Variants in OGG1 observed in about 807,000 individuals in gnomAD.
OGG1 encodes 8-oxoguanine DNA glycosylase, also known as N-glycosylase/DNA lyase.
A neutral mutation model predicts 42.3 loss-of-function variants in OGG1; 35 were observed. That is an observed-to-expected ratio of 0.83 (90% confidence interval 0.63 to 1.10). OGG1 has a LOEUF of 1.10. OGG1 is among the 50% of genes least tolerant of loss of function. The pLI is 0.00. For synonymous variants in OGG1, 189 were observed against 179.0 expected (o/e 1.06, Z -0.44); for missense variants, 484 against 446.7 (o/e 1.08, Z -0.75).
At chr3:9,761,497 A>G, downstream of OGG1, 1 of 1,613,492 alleles carries the variant, frequency 6.2e-7, no homozygotes. Flanking sequence ...CCAGCAATCC[A>G]CAGCCTTGCT....
rs938144629 is a variant in OGG1, at chr3:9,750,347, GC to G, written c.64del (p.Leu22CysfsTer38). On this transcript the variant is annotated frameshift_variant, in exon 1 of 7. Coordinates refer to ENST00000344629, the MANE Select transcript of OGG1 (RefSeq NM_002542.6). LOFTEE classifies it high-confidence loss of function. ...MGHRTLASTP[A>X]LWASIPCPRS... ...GCATCGTACTCTAGCCTCCACTCCT[GC>G]CCTGTGGGCCTCCATCCCGTGCCCT... 10 of 1,613,840 alleles carry G rather than the reference GC, an allele frequency of 6.2e-6. No homozygotes were observed. The African/African-American group carries it at 1.3e-4, about 22-fold the overall frequency.
downstream of OGG1, chr3:9,760,498 C>T: frequency 1.5e-6 from 1 of 649,300 alleles, no homozygotes; most frequent in Non-Finnish European, 2.7e-6. Context: ...AGTACCCAAG[C>T]AGAAGGAAGA....
At chr3:9,757,606 C>T (rs1231674345), downstream of OGG1, 4 of 1,614,060 alleles carry the variant, frequency 2.5e-6, no homozygotes, top group African/African-American at 1.3e-5. The surrounding 1 kb of genome is among the most constrained non-coding windows in gnomAD (Gnocchi z 4.5). Flanking sequence ...TCGACAGCAA[C>T]AGCCAGCTGC....
chr3:9,766,169 G>T (rs2078144611), exon 8 of OGG1: 2 of 897,890 alleles, frequency 2.2e-6, no homozygotes, highest in South Asian at 1.4e-5. Flanking sequence ...TAGGATGTAA[G>T]CCTGGAGCTA....
At chr3:9,786,360 C>T (rs558738366) in intron 3 of OGG1, among the ~76,000 whole-genome samples, 1 of 152,182 alleles carries the variant, frequency 6.6e-6, no homozygotes, top group African/African-American at 2.4e-5. Flanking sequence ...CCTGCCCCTT[C>T]CCCTACCTTA....
intron 2 of OGG1, chr3:9,781,419 G>A (rs1045721477): frequency 4.6e-6 from 2 of 431,508 alleles, no homozygotes; most frequent in South Asian, 1.6e-5. Context: ...AGGAAAATGA[G>A]GCTCAAAGAT....
At chr3:9,756,675 TC>T (rs2077577616) in intron 5 of OGG1, 54 bp downstream of exon 5, 1 of 1,612,232 alleles carries the variant, frequency 6.2e-7, no homozygotes, top group Non-Finnish European at 8.5e-7. Flanking sequence ...TAGAAACTTC[TC>T]TCTCTCTTAG....
chr3:9,782,082 C>G (rs1483195460), intron 3 of OGG1, among the ~76,000 whole-genome samples: 1 of 152,104 alleles, frequency 6.6e-6, no homozygotes, highest in Non-Finnish European at 1.5e-5. Flanking sequence ...AAACAAGCCT[C>G]CCACCTCAGT....
downstream of OGG1, chr3:9,759,675 G>C (rs2077753705): frequency 1.2e-6 from 2 of 1,614,202 alleles, no homozygotes; most frequent in East Asian, 4.5e-5. Flanking sequence ...TTCTCACCAT[G>C]GGTGCTGCAA....
At chr3:9,763,218 A>G in intron 7 of OGG1, 1 of 1,613,702 alleles carries the variant, frequency 6.2e-7, no homozygotes, top group South Asian at 1.1e-5. Context: ...TTGATCCTGA[A>G]AGGAGAAATG....
At chr3:9,786,344 T>TA (rs1174215600) in intron 3 of OGG1, among the ~76,000 whole-genome samples, 5 of 152,170 alleles carry the variant, frequency 3.3e-5, no homozygotes, top group African/African-American at 9.7e-5. Context: ...TGATATGAGA[T>TA]AGAGACCTGC....
chr3:9,756,162 CA>C (rs2077543146), intron 4 of OGG1, among the ~76,000 whole-genome samples: 1 of 152,130 alleles, frequency 6.6e-6, no homozygotes, highest in African/African-American at 2.4e-5. Context: ...ACTAAAAACA[CA>C]AAAATTAGCC....
At chr3:9,761,494 T>G, downstream of OGG1, 1 of 1,613,254 alleles carries the variant, frequency 6.2e-7, no homozygotes, top group Non-Finnish European at 8.5e-7. Flanking sequence ...GGACCAGCAA[T>G]CCACAGCCTT....
At chr3:9,780,331 T>C in intron 2 of OGG1, 1 of 1,594,222 alleles carries the variant, frequency 6.3e-7, no homozygotes. Context: ...CTAGGCCAGA[T>C]AATCAGCCTG....
chr3:9,776,388 CTTTTTTTTTT>C (rs57504240), intron 2 of OGG1, among the ~76,000 whole-genome samples: 58 of 121,126 alleles, frequency 4.8e-4, no homozygotes, highest in African/African-American at 1.6e-3. Flanking sequence ...TTTTTCTTTT[CTTTTTTTTTT>C]TTTTTTTTTG....
At chr3:9,785,969 C>T (rs768071997) in intron 3 of OGG1, among the ~76,000 whole-genome samples, 1 of 151,474 alleles carries the variant, frequency 6.6e-6, no homozygotes, top group Non-Finnish European at 1.5e-5. Context: ...TGGAGTCTCA[C>T]TTTGTCACCC....
chr3:9,756,458 G>A lies in OGG1; in HGVS notation c.748-13G>A, dbSNP rs2077565678. 5.0e-6 allele frequency: 8 copies of A among 1,614,020 alleles called. No individual in the cohort carries two copies. The African/African-American group carries it at 6.7e-5, about 13-fold the overall frequency. ...CCCTTCTTCCACAAGGGCTCATTCT[G>A]TGTCTGTCAAAGGTGGCTGACTGCA... On this transcript the variant is annotated splice_polypyrimidine_tract_variant and intron_variant, in intron 4 of 6. Transcript: ENST00000344629.
exon 8 of OGG1, chr3:9,765,953 T>A: frequency 1.2e-6 from 2 of 1,614,048 alleles, no homozygotes; most frequent in Non-Finnish European, 1.7e-6. Flanking sequence ...CAGCCTCTCC[T>A]CCATTCCCTA....
At chr3:9,762,667 A>AT (rs879790415) in intron 7 of OGG1, among the ~76,000 whole-genome samples, 377 of 146,966 alleles carry the variant, frequency 2.6e-3, no homozygotes, top group African/African-American at 6.8e-3. Context: ...GTCTGGCCAG[A>AT]TTTTTTTTTT....
Sources: allele counts gnomAD v4.1 joint callset (sites outside exome capture counted in the v4.1 genomes callset), GRCh38; gene constraint gnomAD v4.1.1; non-coding constraint Gnocchi (gnomAD v3.1); transcripts MANE v1.5; gene names NCBI Gene and HGNC (gene_info 2026-07-23, HGNC 2026-07-21).